VANGL1: variants seen among roughly 807,000 people sequenced by gnomAD.
The protein encoded by VANGL1 is vang-like protein 1.
A neutral mutation model predicts 48.4 loss-of-function variants in VANGL1; 18 were observed. That is an observed-to-expected ratio of 0.37 (90% CI 0.26 to 0.55). The LOEUF (loss-of-function observed/expected upper bound fraction) is 0.55. Ranked by LOEUF, VANGL1 falls within the 20% of genes least tolerant of loss-of-function variation. The pLI is 0.81. For synonymous variants in VANGL1, 257 were observed against 261.8 expected, an observed-to-expected ratio of 0.98 and a Z score of 0.18; for missense variants, 667 against 675.8, an observed-to-expected ratio of 0.99 and a Z score of 0.14.
intron 4 of VANGL1, among the ~76,000 whole-genome samples, chr1:115,669,945 T>C (rs145352582): frequency 1.3e-5 from 2 of 152,324 alleles, no homozygotes; most frequent in Non-Finnish European, 2.9e-5. Flanking sequence ...TGAATGTTTG[T>C]GGTCCCCCCA....
chr1:115,676,354 T>C (rs1653165458), intron 4 of VANGL1, among the ~76,000 whole-genome samples: 1 of 152,094 alleles, frequency 6.6e-6, no homozygotes, highest in African/African-American at 2.4e-5. Context: ...CCCCAGTCCC[T>C]AAGGAAAACT....
At chr1:115,682,615 T>C (rs1434941155) in intron 5 of VANGL1, 118 bp downstream of exon 5, 2 of 1,481,328 alleles carry the variant, frequency 1.4e-6, no homozygotes, top group Non-Finnish European at 1.9e-6. Flanking sequence ...GGTACATTCT[T>C]GTTTCAGAAC....
chr1:115,684,128 T>TTTTATTTATTTA (rs34363411), intron 6 of VANGL1, 52 bp downstream of exon 6: 6 of 1,386,508 alleles, frequency 4.3e-6, no homozygotes, highest in East Asian at 6.3e-5. Flanking sequence ...TAAATTTTTA[T>TTTTATTTATTTA]TTTATTTATT....
At chr1:115,661,764 C>T (rs184755488) in intron 3 of VANGL1, among the ~76,000 whole-genome samples, 126 of 152,024 alleles carry the variant, frequency 8.3e-4, no homozygotes, top group African/African-American at 2.4e-3. Context: ...ATTACAGGCA[C>T]GCACCACCAC....
chr1:115,672,165 T>C (rs1215694537), intron 4 of VANGL1, among the ~76,000 whole-genome samples: 1 of 152,188 alleles, frequency 6.6e-6, no homozygotes, highest in Non-Finnish European at 1.5e-5. Context: ...GCTCTGGGTG[T>C]CCTGCACACT....
At chr1:115,651,552 A>T (rs1570738048) in intron 2 of VANGL1, 68 bp downstream of exon 2, 3 of 1,422,360 alleles carry the variant, frequency 2.1e-6, no homozygotes, top group Non-Finnish European at 3.0e-6. Context: ...GGTTCTCTAC[A>T]CTCACTTTTC....
Position 115,681,500 on chromosome 1 carries a change from G to GTT in VANGL1, c.813-863_813-862dup, listed in dbSNP as rs1267113664. On this transcript the variant is annotated intron_variant, in intron 4 of 7. Coordinates refer to ENST00000355485, the MANE Select transcript of VANGL1 (RefSeq NM_138959.3). ...TCTCAGCGGAGGCTCTCTTTTTTTT[G>GTT]TTGTTTTTTTTGTTTTTTTTTTTGA... 5.5e-3 allele frequency among the ~76,000 whole-genome samples: 533 copies of GTT among 96,244 alleles called. 3 individuals are homozygous for GTT. Among genetic ancestry groups the GTT allele is most frequent in the Middle Eastern group, 0.023 (4 of 174 alleles). The allele number at this position is 96,244 out of a possible 152,430, so 63.1% of individuals were successfully genotyped here. A position where few individuals can be genotyped will look rare whatever the true frequency, so the allele number is the denominator to read the frequency against.
intron 3 of VANGL1, among the ~76,000 whole-genome samples, chr1:115,662,751 G>A (rs1395328232): frequency 6.6e-6 from 1 of 151,626 alleles, no homozygotes; most frequent in Non-Finnish European, 1.5e-5. Context: ...TGACACTGAT[G>A]CTTGTTAAGT....
intron 4 of VANGL1, among the ~76,000 whole-genome samples, chr1:115,676,672 C>T (rs933544771): frequency 1.2e-4 from 19 of 152,218 alleles, no homozygotes; most frequent in African/African-American, 4.6e-4. Context: ...TTTGAAGTCT[C>T]ATAATGTCAT....
At chr1:115,673,084 A>G (rs971856384) in intron 4 of VANGL1, among the ~76,000 whole-genome samples, 8 of 152,320 alleles carry the variant, frequency 5.3e-5, no homozygotes, top group Middle Eastern at 6.8e-3. Context: ...GAGTTCTCTC[A>G]AAGACCTAGG....
chr1:115,678,981 T>G (rs1256837886), intron 4 of VANGL1, among the ~76,000 whole-genome samples: 2 of 152,052 alleles, frequency 1.3e-5, no homozygotes, highest in Admixed American at 6.5e-5. Flanking sequence ...AAAGGCATAT[T>G]GGATTTTATC....
intron 4 of VANGL1, among the ~76,000 whole-genome samples, chr1:115,673,594 C>CTTTT (rs960453479): frequency 6.4e-4 from 70 of 108,580 alleles, no homozygotes; most frequent in African/African-American, 2.1e-3. Context: ...TGTATGTCCT[C>CTTTT]TTTTTTTTTT....
rs1284382920 is a variant in VANGL1 at position 115,693,154 on chromosome 1, A to T, written c.*1775A>T. The T allele has an allele frequency of 6.6e-6, 1 of 152,586 alleles. No homozygotes were observed. 9.5% of individuals were successfully genotyped at this position (152,586 alleles called of 1,614,324 possible). On this transcript the variant is annotated 3_prime_UTR_variant, in exon 8 of 8. Coordinates refer to ENST00000355485, the MANE Select transcript of VANGL1 (RefSeq NM_138959.3). ...TGGAGCCAAGATGTACTATTCAACT[A>T]TGTGTTTCTGTTTATAAAAAACACA... is the stretch of plus-strand genomic sequence containing the variant.
intron 4 of VANGL1, among the ~76,000 whole-genome samples, chr1:115,675,460 C>G (rs1353597318): frequency 2.0e-5 from 3 of 152,082 alleles, no homozygotes; most frequent in Non-Finnish European, 4.4e-5. Flanking sequence ...TGAGATTGCA[C>G]CGCTGCACTC....
intron 4 of VANGL1, among the ~76,000 whole-genome samples, chr1:115,672,596 G>T (rs903314213): frequency 1.3e-5 from 2 of 152,174 alleles, no homozygotes; most frequent in Non-Finnish European, 2.9e-5. Flanking sequence ...GGCCTTTGTT[G>T]TGCAGTTTAA....
intron 4 of VANGL1, among the ~76,000 whole-genome samples, chr1:115,676,449 G>C (rs1232175654): frequency 3.9e-5 from 6 of 152,192 alleles, no homozygotes; most frequent in African/African-American, 1.4e-4. Flanking sequence ...AGGCGCACCT[G>C]GGATCAAGTT....
At chr1:115,660,224 G>A (rs1001658589) in intron 3 of VANGL1, among the ~76,000 whole-genome samples, 5 of 152,186 alleles carry the variant, frequency 3.3e-5, no homozygotes, top group Admixed American at 6.5e-5. Context: ...GTTAATTAAG[G>A]AGGCCCTGGG....
At chr1:115,671,942 T>C (rs1652991507) in intron 4 of VANGL1, among the ~76,000 whole-genome samples, 1 of 152,232 alleles carries the variant, frequency 6.6e-6, no homozygotes, top group Non-Finnish European at 1.5e-5. Context: ...CACTCAGAAC[T>C]GCCACTGGGT....
In VANGL1 at chr1:115,654,452, G is replaced by A. The variant is rs148109758; in HGVS notation, c.71+2968G>A. ...GACCCCGCCTAACTTTTGTCATTGT[G>A]GTGTGGATGAGGGAAGCCTGGTATT... On this transcript the variant is annotated intron_variant, in intron 2 of 7. Transcript: ENST00000355485. 2.2e-3 allele frequency among the ~76,000 whole-genome samples: 331 copies of A among 147,456 alleles called. 3 individuals are homozygous for A. Among genetic ancestry groups the A allele is most frequent in the African/African-American group, 7.8e-3 (305 of 39,130 alleles).
Sources: gnomAD v4.1 joint callset for allele counts (sites outside exome capture counted in the v4.1 genomes callset) on GRCh38, gnomAD v4.1.1 for gene constraint, MANE v1.5 for transcripts, NCBI Gene and HGNC (gene_info 2026-07-23, HGNC 2026-07-21) for gene names.